The following IQGAP1 variants were observed in gnomAD, a reference collection of about 807,000 sequenced individuals.
The protein encoded by IQGAP1 is IQ motif containing GTPase activating protein 1, also known as ras GTPase-activating-like protein IQGAP1.
In IQGAP1, 66 loss-of-function variants were observed where a neutral mutation model predicts 215.6. The observed-to-expected ratio is 0.31, with a 90% CI of 0.25 to 0.38. The LOEUF (loss-of-function observed/expected upper bound fraction) is 0.38. Among genes scored for constraint, IQGAP1 ranks in the 10% least tolerant of loss-of-function variants. IQGAP1 has a pLI of 1.00. For synonymous variants in IQGAP1, 772 were observed against 728.7 expected (o/e 1.06, Z -0.96); for missense variants, 1,712 against 1,997.1 (o/e 0.86, Z 2.72).
At chr15:90,451,854 G>A (rs1024112164) in intron 11 of IQGAP1, among the ~76,000 whole-genome samples, 8 of 146,918 alleles carry the variant, frequency 5.4e-5, no homozygotes, top group Non-Finnish European at 1.2e-4. Context: ...TTTTTGAGAC[G>A]GAGTCTCACT....
Position 90,501,943 on chromosome 15 carries a change from A to G in IQGAP1, c.*1835A>G, listed in dbSNP as rs1596298484. The G allele has an allele frequency of 6.6e-6, 1 of 152,388 alleles. No individual in the cohort carries two copies. Among genetic ancestry groups the G allele is most frequent in the African/African-American group, 2.4e-5 (1 of 41,458 alleles). 9.4% of individuals were successfully genotyped at this position (152,388 alleles called of 1,614,324 possible). A position where few individuals can be genotyped will look rare whatever the true frequency, so the allele number is the denominator to read the frequency against. ...CCCTCAACACAATTGCTAATGCAGA[A>G]TAGTGTAAAATGCGCTTCAAGAATG... On this transcript the variant is annotated 3_prime_UTR_variant, in exon 38 of 38. Transcript: ENST00000268182.
At chr15:90,415,720 T>G (rs1965037949) in intron 2 of IQGAP1, among the ~76,000 whole-genome samples, 1 of 152,184 alleles carries the variant, frequency 6.6e-6, no homozygotes. Context: ...CCTTTGTAAT[T>G]GTTAATCATT....
At chr15:90,420,749 A>C (rs1180972723) in intron 2 of IQGAP1, among the ~76,000 whole-genome samples, 2 of 152,190 alleles carry the variant, frequency 1.3e-5, no homozygotes, top group East Asian at 3.8e-4. Flanking sequence ...TTGAGACAAG[A>C]GTTTCACTGT....
intron 2 of IQGAP1, among the ~76,000 whole-genome samples, chr15:90,408,041 C>A (rs1596251898): frequency 6.6e-6 from 1 of 152,180 alleles, no homozygotes; most frequent in Non-Finnish European, 1.5e-5. Context: ...CTGGGTTTTT[C>A]AGGATAAGCT....
At chr15:90,483,885 T>C (rs1171956173) in intron 29 of IQGAP1, among the ~76,000 whole-genome samples, 1 of 152,254 alleles carries the variant, frequency 6.6e-6, no homozygotes, top group African/African-American at 2.4e-5. Context: ...AGAATGCTTT[T>C]AATTTTTGTA....
At chr15:90,465,580 C>T (rs1464737339) in intron 15 of IQGAP1, among the ~76,000 whole-genome samples, 1 of 152,170 alleles carries the variant, frequency 6.6e-6, no homozygotes, top group Non-Finnish European at 1.5e-5. Context: ...ACATGGCTCA[C>T]TGCAGCCTAA....
chr15:90,462,285 C>T (rs1163743093), intron 15 of IQGAP1, among the ~76,000 whole-genome samples: 1 of 152,212 alleles, frequency 6.6e-6, no homozygotes, highest in East Asian at 1.9e-4. Flanking sequence ...ACAGCTGTAC[C>T]AGTTGTTAGG....
intron 29 of IQGAP1, 100 bp downstream of exon 29, chr15:90,483,693 T>C (rs1414335137): frequency 2.5e-6 from 2 of 813,084 alleles, no homozygotes; most frequent in East Asian, 5.3e-5. Flanking sequence ...TTCCCCGGAC[T>C]GCCATATGTA....
chr15:90,450,330 C>CTTTTTTTTTTTTTTTTTTTTTTTT (rs869037347), intron 11 of IQGAP1, among the ~76,000 whole-genome samples: 1 of 54,424 alleles, frequency 1.8e-5, no homozygotes, highest in Non-Finnish European at 3.2e-5. Flanking sequence ...TATACACTAC[C>CTTTTTTTTTTTTTTTTTTTTTTTT]TTTTTTTTTT....
At chr15:90,411,286 CT>C (rs969634626) in intron 2 of IQGAP1, among the ~76,000 whole-genome samples, 1 of 149,832 alleles carries the variant, frequency 6.7e-6, no homozygotes. Context: ...CTTTTCTTTT[CT>C]TTTTTTTTGG....
In IQGAP1 at chr15:90,441,628, T is replaced by TA; in HGVS notation, c.773dup (p.Tyr258Ter). 1 of 1,613,916 alleles carries TA rather than the reference T, an allele frequency of 6.2e-7. No individual in the cohort carries two copies. Among genetic ancestry groups the TA allele is most frequent in the Non-Finnish European group, 8.5e-7 (1 of 1,179,858 alleles). Reference protein sequence around the residue: ...VNLEEPLASTYQDILYQAKQD... With the variant: ...VNLEEPLAST ...TCTTGAAGAGCCCTTGGCATCCACT[T>TA]ACCAGGATATACTTTACCAGGCTAA... Residue 258 changes from tyrosine to a stop codon, truncating the protein, a stop_gained and frameshift_variant, in exon 8 of 38, where the codon TAC becomes TAAC. Coordinates refer to ENST00000268182, the MANE Select transcript of IQGAP1 (RefSeq NM_003870.4). LOFTEE classifies it high-confidence loss of function.
intron 2 of IQGAP1, among the ~76,000 whole-genome samples, chr15:90,424,186 T>C (rs188338736): frequency 2.6e-4 from 39 of 152,268 alleles, no homozygotes; most frequent in African/African-American, 9.1e-4. Context: ...ACATCCTTTT[T>C]AGCAGTAAAA....
At chr15:90,394,759 G>A (rs565204955) in intron 2 of IQGAP1, among the ~76,000 whole-genome samples, 20 of 151,676 alleles carry the variant, frequency 1.3e-4, no homozygotes, top group Admixed American at 2.0e-4. Flanking sequence ...AGAGATTGGA[G>A]GGAGAAAAGC....
chr15:90,448,549 C>G (rs760646597), intron 9 of IQGAP1, 24 bp from the exon 10 acceptor site: 1 of 1,549,290 alleles, frequency 6.5e-7, no homozygotes, highest in South Asian at 1.2e-5. Flanking sequence ...AGTCCTTTCA[C>G]AAGCTTTTGC....
At chr15:90,477,602 G>A in intron 25 of IQGAP1, 63 bp from the exon 26 acceptor site, 1 of 1,167,036 alleles carries the variant, frequency 8.6e-7, no homozygotes, top group Non-Finnish European at 1.3e-6. Context: ...TCTTTAAGCA[G>A]GAAGGATCTT....
At chr15:90,467,837 A>G (rs993392452) in intron 18 of IQGAP1, among the ~76,000 whole-genome samples, 1 of 152,210 alleles carries the variant, frequency 6.6e-6, no homozygotes, top group East Asian at 1.9e-4. Flanking sequence ...GATGATCTAT[A>G]AAAGAAAAAT....
intron 37 of IQGAP1, among the ~76,000 whole-genome samples, chr15:90,498,662 G>A (rs1157334488): frequency 1.3e-5 from 2 of 150,560 alleles, no homozygotes; most frequent in African/African-American, 2.4e-5. Flanking sequence ...TTTTTTTGGA[G>A]GGGGGGGCAG....
At chr15:90,449,169 GTT>G (rs1011182563) in intron 10 of IQGAP1, among the ~76,000 whole-genome samples, 2 of 144,644 alleles carry the variant, frequency 1.4e-5, no homozygotes, top group African/African-American at 5.0e-5. Flanking sequence ...TATTTCGTGG[GTT>G]TTTTTTTTTT....
Position 90,482,236 on chromosome 15 carries a change from G to A in IQGAP1, c.3510G>A (p.Ser1170=), listed in dbSNP as rs201802398. 3 of 1,614,168 alleles carry A rather than the reference G, an allele frequency of 1.9e-6. No individual in the cohort carries two copies. Among genetic ancestry groups the A allele is most frequent in the Middle Eastern group, 1.6e-4 (1 of 6,062 alleles). Residue 1170 remains serine (S), a synonymous_variant, in exon 28 of 38, where the codon TCG becomes TCA. Coordinates refer to ENST00000268182, the MANE Select transcript of IQGAP1 (RefSeq NM_003870.4). ...TCATTGCCAAAGTGCTGAAGGACTC[G>A]TTGCATGAGAAGTTCCCTGATGCTG... is the stretch of plus-strand genomic sequence containing the variant. ...MRFIAKVLKD[S]LHEKFPDAGE...
Sources: allele counts gnomAD v4.1 joint callset (sites outside exome capture counted in the v4.1 genomes callset), GRCh38; gene constraint gnomAD v4.1.1; transcripts MANE v1.5; gene names NCBI Gene and HGNC (gene_info 2026-07-23, HGNC 2026-07-21).